The following PHGDH variants were observed in gnomAD, a reference collection of about 807,000 sequenced individuals.
The protein encoded by PHGDH is phosphoglycerate dehydrogenase.
In PHGDH, 50 loss-of-function variants were observed where a neutral mutation model predicts 52.6. The observed-to-expected ratio is 0.95, with a 90% CI of 0.76 to 1.20. The LOEUF (loss-of-function observed/expected upper bound fraction) is 1.20, where lower values mean the gene tolerates loss of function less well. PHGDH is among the 50% of genes most tolerant of loss of function. The pLI is 0.00. For synonymous variants in PHGDH, 271 were observed against 280.5 expected (o/e 0.97, Z 0.34); for missense variants, 630 against 684.6 (o/e 0.92, Z 0.89).
chr1:119,744,119 C>A lies in PHGDH; in HGVS notation c.*79C>A. On this transcript the variant is annotated 3_prime_UTR_variant, in exon 12 of 12. Transcript: ENST00000641023. ...CTGTGATCAATAGGGAGAGAAAATC[C>A]ACATTCTTGGGCTGAACGCGGGCCT... 1 of 1,381,736 alleles carries A rather than the reference C, an allele frequency of 7.2e-7. No homozygotes were observed. Among genetic ancestry groups the A allele is most frequent in the Non-Finnish European group, 1.0e-6 (1 of 969,842 alleles). The allele number at this position is 1,381,736 out of a possible 1,614,324, so 85.6% of individuals were successfully genotyped here.
chr1:119,715,725 G>A (rs917018235), intron 1 of PHGDH: 2 of 152,178 alleles, frequency 1.3e-5, no homozygotes, highest in Non-Finnish European at 2.9e-5. Context: ...ACAGGGGAGC[G>A]GGAGGACTTG....
At chr1:119,720,945 T>A in intron 1 of PHGDH, 1 of 558,304 alleles carries the variant, frequency 1.8e-6, no homozygotes. Flanking sequence ...AAGCGGTTGG[T>A]GTGTTAGAGG....
At chr1:119,720,034 T>C (rs959092782) in intron 1 of PHGDH, 1 of 152,238 alleles carries the variant, frequency 6.6e-6, no homozygotes, top group Non-Finnish European at 1.5e-5. Flanking sequence ...TTTGAAAGCA[T>C]ACTTGCTGCT....
At chr1:119,713,682 T>G (rs764782354) in intron 1 of PHGDH, among the ~76,000 whole-genome samples, 5 of 152,134 alleles carry the variant, frequency 3.3e-5, no homozygotes, top group African/African-American at 7.2e-5. Context: ...GTCACCTCCT[T>G]TCTTGTGTGA....
Position 119,712,052 on chromosome 1 carries a change from C to A in PHGDH, c.30C>A (p.Leu10=). 1 of 1,614,168 alleles carries A rather than the reference C, an allele frequency of 6.2e-7. No homozygotes were observed. The highest frequency in any genetic ancestry group is 1.1e-5 in the South Asian group (1 of 91,072). MAFANLRKV[L]ISDSLDPCCR... ...CTTTTGCAAATCTGCGGAAAGTGCT[C>A]ATCAGTGACAGCCTGGACCCTTGCT... Residue 10 remains leucine (L), a synonymous_variant, in exon 1 of 12, where the codon CTC becomes CTA. Coordinates refer to ENST00000641023, the MANE Select transcript of PHGDH (RefSeq NM_006623.4).
chr1:119,730,331 G>C (rs1463573706), intron 5 of PHGDH, among the ~76,000 whole-genome samples: 1 of 152,170 alleles, frequency 6.6e-6, no homozygotes, highest in Non-Finnish European at 1.5e-5. Context: ...CTAGATGTCA[G>C]ATACCCGGAC....
At chr1:119,727,161 A>G in intron 5 of PHGDH, 59 bp downstream of exon 5, 1 of 1,047,572 alleles carries the variant, frequency 9.5e-7, no homozygotes, top group Non-Finnish European at 1.5e-6. Flanking sequence ...TGGGAAAGGC[A>G]GCATGTCTGG....
intron 3 of PHGDH, among the ~76,000 whole-genome samples, chr1:119,726,257 T>C (rs1443167577): frequency 2.6e-5 from 4 of 151,164 alleles, no homozygotes; most frequent in African/African-American, 9.7e-5. Context: ...GTGGTGCGGA[T>C]GTTTAAAAAT....
In PHGDH at chr1:119,712,103, G is replaced by C. The variant is rs1157171557; in HGVS notation, c.81G>C (p.Gly27=). 2 of 1,614,086 alleles carry C rather than the reference G, an allele frequency of 1.2e-6. No individual in the cohort carries two copies. Among genetic ancestry groups the C allele is most frequent in the East Asian group, 2.2e-5 (1 of 44,886 alleles). Residue 27 remains glycine (G), a synonymous_variant, in exon 1 of 12, where the codon GGG becomes GGC. Transcript: ENST00000641023. ...PCCRKILQDG[G]LQVVEKQNLS... ...GCCGGAAGATCTTGCAAGATGGAGG[G>C]CTGCAGGTGGTGGAAAAGCAGAACC...
chr1:119,743,483 C>T (rs895283861), intron 11 of PHGDH, among the ~76,000 whole-genome samples: 3 of 152,226 alleles, frequency 2.0e-5, no homozygotes, highest in Non-Finnish European at 2.9e-5. Flanking sequence ...GCGTCTTGGA[C>T]CTGCCCCAGT....
At chr1:119,737,467 C>T (rs1320099372) in intron 8 of PHGDH, among the ~76,000 whole-genome samples, 1 of 152,208 alleles carries the variant, frequency 6.6e-6, no homozygotes, top group East Asian at 1.9e-4. Flanking sequence ...GAGGCCTTGG[C>T]AGCAGAGAGC....
At chr1:119,740,730 A>G (rs1264084459) in intron 9 of PHGDH, among the ~76,000 whole-genome samples, 1 of 152,242 alleles carries the variant, frequency 6.6e-6, no homozygotes, top group Non-Finnish European at 1.5e-5. Context: ...CTGAATATTC[A>G]TAAATCATGT....
intron 3 of PHGDH, among the ~76,000 whole-genome samples, chr1:119,726,447 T>C (rs1261800491): frequency 1.3e-5 from 2 of 152,086 alleles, no homozygotes; most frequent in African/African-American, 2.4e-5. Context: ...CTGGATGAGA[T>C]AGGTAGATCA....
chr1:119,712,019 A>C lies in PHGDH; in HGVS notation c.-4A>C. On this transcript the variant is annotated 5_prime_UTR_variant, in exon 1 of 12. Transcript: ENST00000641023. Reference sequence around the variant, plus strand: ...AGCGGCCGATTCCGAGGCCAACTCCAGCAATGGCTTTTGCAAATCTGCGGA... The same window carrying C: ...AGCGGCCGATTCCGAGGCCAACTCCCGCAATGGCTTTTGCAAATCTGCGGA... 1.9e-6 allele frequency: 3 copies of C among 1,614,066 alleles called. No homozygotes were observed. The highest frequency in any genetic ancestry group is 2.5e-6 in the Non-Finnish European group (3 of 1,180,028).
intron 5 of PHGDH, among the ~76,000 whole-genome samples, chr1:119,731,029 T>A (rs958394303): frequency 6.6e-6 from 1 of 152,168 alleles, no homozygotes; most frequent in African/African-American, 2.4e-5. Flanking sequence ...GCACCCTACT[T>A]GTGGGTCCAA....
chr1:119,712,238 C>CCCCCCTCGCATGCACCCCGT, intron 1 of PHGDH, 78 bp downstream of exon 1: 1 of 1,368,472 alleles, frequency 7.3e-7, no homozygotes, highest in Non-Finnish European at 1.0e-6. Context: ...GGCCAGCGCG[C>CCCCCCTCGCATGCACCCCGT]CCCCCTCGCA....
intron 9 of PHGDH, among the ~76,000 whole-genome samples, chr1:119,741,243 G>T (rs587734638): frequency 4.7e-4 from 72 of 152,324 alleles, no homozygotes; most frequent in African/African-American, 1.7e-3. Context: ...GGCAGAGATT[G>T]CAGGGAGAGG....
chr1:119,712,798 G>A (rs1409395443), intron 1 of PHGDH, among the ~76,000 whole-genome samples: 1 of 152,200 alleles, frequency 6.6e-6, no homozygotes, highest in Non-Finnish European at 1.5e-5. Flanking sequence ...CCCCTCGTCT[G>A]ATGCAAGACT....
chr1:119,736,883 G>T (rs2101203566), intron 7 of PHGDH, among the ~76,000 whole-genome samples: 1 of 152,404 alleles, frequency 6.6e-6, no homozygotes, highest in Admixed American at 6.5e-5. Flanking sequence ...TGGTTAAGTG[G>T]TGAAGGTGAG....
Sources: allele counts gnomAD v4.1 joint callset (sites outside exome capture counted in the v4.1 genomes callset), GRCh38; gene constraint gnomAD v4.1.1; transcripts MANE v1.5; gene names NCBI Gene and HGNC (gene_info 2026-07-23, HGNC 2026-07-21).